Variants in ZNF331 observed in about 807,000 individuals in gnomAD.
ZNF331 encodes the protein C2H2-like zinc finger protein rearranged in thyroid adenomas.
In ZNF331, 2 loss-of-function variants were observed where a neutral mutation model predicts 7.0. That is an observed-to-expected ratio of 0.29 (90% CI 0.12 to 0.90). ZNF331 has a LOEUF of 0.90. Among genes scored for constraint, ZNF331 ranks in the 40% least tolerant of loss-of-function variants. ZNF331 has a pLI of 0.58. For synonymous variants in ZNF331, 196 were observed against 205.4 expected (o/e 0.95, Z 0.39); for missense variants, 432 against 587.7 (o/e 0.74, Z 2.74).
intron 3 of ZNF331, among the ~76,000 whole-genome samples, chr19:53,564,427 G>A (rs1199144708): frequency 2.0e-5 from 3 of 151,948 alleles, no homozygotes; most frequent in African/African-American, 7.2e-5. Flanking sequence ...TTACAGGCAT[G>A]TGCCACCATG....
intron 2 of ZNF331, among the ~76,000 whole-genome samples, chr19:53,522,943 G>T (rs2087141864): frequency 6.6e-6 from 1 of 152,122 alleles, no homozygotes; most frequent in Non-Finnish European, 1.5e-5. Flanking sequence ...GGTTTGGTAA[G>T]GAAGGGATTT....
intron 3 of ZNF331, among the ~76,000 whole-genome samples, chr19:53,556,132 A>G (rs946085909): frequency 6.7e-6 from 1 of 150,316 alleles, no homozygotes; most frequent in Non-Finnish European, 1.5e-5. Context: ...AGTCCCAGCT[A>G]CTCGGGAGGC....
chr19:53,510,621 AT>A, the ZNF331 span, among the ~76,000 whole-genome samples: 2 of 151,872 alleles, frequency 1.3e-5, no homozygotes, highest in African/African-American at 2.4e-5. Context: ...AGCTACCCTC[AT>A]TTCGTTCTTT....
rs562464581 is a variant in ZNF331, at chr19:53,548,861, T to C, written c.-137-6984T>C. 2.6e-5 allele frequency among the ~76,000 whole-genome samples: 4 copies of C among 152,050 alleles called. No individual in the cohort carries two copies. The South Asian group carries it at 8.3e-4, about 32-fold the overall frequency. ...TCTTTTTTTCTTTTTCTTCTTTTTT[T>C]TTTTGAGACCAAGTCTCACTCTGTC... On this transcript the variant is annotated intron_variant, in intron 2 of 5. Coordinates refer to ENST00000449416, the MANE Select transcript of ZNF331 (RefSeq NM_001079906.2).
chr19:53,513,857 T>C, the ZNF331 span, among the ~76,000 whole-genome samples: 3 of 152,018 alleles, frequency 2.0e-5, no homozygotes, highest in Non-Finnish European at 4.4e-5. Flanking sequence ...TGATCCACTA[T>C]GCTTGGCCTT....
chr19:53,559,835 TA>T (rs2147524678), intron 3 of ZNF331, among the ~76,000 whole-genome samples: 1 of 147,522 alleles, frequency 6.8e-6, no homozygotes, highest in East Asian at 2.0e-4. Context: ...CGTATATACA[TA>T]TATACATATA....
chr19:53,542,236 T>C (rs2088227142), intron 2 of ZNF331, among the ~76,000 whole-genome samples: 1 of 152,204 alleles, frequency 6.6e-6, no homozygotes. Flanking sequence ...CTTTGCCTTG[T>C]TTTGAAATAT....
At chr19:53,528,943 C>T (rs2087417708) in intron 2 of ZNF331, among the ~76,000 whole-genome samples, 1 of 141,010 alleles carries the variant, frequency 7.1e-6, no homozygotes, top group Admixed American at 6.8e-5. Flanking sequence ...TGTCCCCACG[C>T]CTGGATGATT....
In ZNF331 at chr19:53,569,375, C is replaced by T; in HGVS notation, c.-2C>T. 2 of 1,614,026 alleles carry T rather than the reference C, an allele frequency of 1.2e-6. No individual in the cohort carries two copies. The highest frequency in any genetic ancestry group is 1.7e-6 in the Non-Finnish European group (2 of 1,179,960). ...ACTGATCAGTTCTTCAGTTCTAAAA[C>T]AATGGCCCAGGTAAGTGTATATTTC... On this transcript the variant is annotated 5_prime_UTR_variant, in exon 4 of 6. Coordinates refer to ENST00000449416, the MANE Select transcript of ZNF331 (RefSeq NM_001079906.2).
chr19:53,554,364 G>A (rs1310553946), intron 2 of ZNF331, among the ~76,000 whole-genome samples: 1 of 152,182 alleles, frequency 6.6e-6, no homozygotes, highest in East Asian at 1.9e-4. Flanking sequence ...CTGTGTGCGC[G>A]TACACGTGCA....
At chr19:53,559,513 TATATACACAC>T (rs1293007777) in intron 3 of ZNF331, among the ~76,000 whole-genome samples, 1 of 147,918 alleles carries the variant, frequency 6.8e-6, no homozygotes, top group East Asian at 2.1e-4. Context: ...CACACCTACA[TATATACACAC>T]ATATACACAC....
At chr19:53,515,502 GTTGT>G (rs1568448894), upstream of ZNF331, among the ~76,000 whole-genome samples, 1 of 151,914 alleles carries the variant, frequency 6.6e-6, no homozygotes, top group Non-Finnish European at 1.5e-5. Flanking sequence ...TGTTTGGTTG[GTTGT>G]TTGTTTTTGA....
chr19:53,571,822 A>T lies in ZNF331; in HGVS notation c.136+92A>T. Reference sequence around the variant, plus strand: ...GGACCGCCTTTCAAGAAACTAGTTGAATTTCTTCTTCCTGTCCCCAAGGAA... The same window carrying T: ...GGACCGCCTTTCAAGAAACTAGTTGTATTTCTTCTTCCTGTCCCCAAGGAA... On this transcript the variant is annotated intron_variant, in intron 5 of 5. Coordinates refer to ENST00000449416, the MANE Select transcript of ZNF331 (RefSeq NM_001079906.2). The surrounding 1 kb of genome is among the most constrained non-coding windows in gnomAD (Gnocchi z 4.7). 1 of 1,473,222 alleles carries T rather than the reference A, an allele frequency of 6.8e-7. No homozygotes were observed. Among genetic ancestry groups the T allele is most frequent in the Non-Finnish European group, 9.1e-7 (1 of 1,098,672 alleles). The allele number at this position is 1,473,222 out of a possible 1,614,324, so 91.3% of individuals were successfully genotyped here.
chr19:53,507,121 A>G, the ZNF331 span, among the ~76,000 whole-genome samples: 730 of 152,266 alleles, frequency 4.8e-3, 7 homozygotes, highest in African/African-American at 0.016. Flanking sequence ...ACATTGCTCA[A>G]TGATTTCAGT....
At chr19:53,540,334 C>A (rs2088057643) in intron 2 of ZNF331, among the ~76,000 whole-genome samples, 1 of 152,178 alleles carries the variant, frequency 6.6e-6, no homozygotes, top group African/African-American at 2.4e-5. Flanking sequence ...GAGACTGTCA[C>A]CATCTTGCTG....
chr19:53,548,959 C>T (rs977802045), intron 2 of ZNF331, among the ~76,000 whole-genome samples: 1 of 151,904 alleles, frequency 6.6e-6, no homozygotes, highest in Non-Finnish European at 1.5e-5. Flanking sequence ...GTGATTTCTC[C>T]TCCCTCAGCC....
intron 2 of ZNF331, among the ~76,000 whole-genome samples, chr19:53,540,338 C>G (rs2088057905): frequency 1.3e-5 from 2 of 152,184 alleles, no homozygotes; most frequent in African/African-American, 4.8e-5. Context: ...CTGTCACCAT[C>G]TTGCTGTGTC....
At chr19:53,557,993 G>A (rs554294760) in intron 3 of ZNF331, among the ~76,000 whole-genome samples, 1 of 152,228 alleles carries the variant, frequency 6.6e-6, no homozygotes, top group East Asian at 1.9e-4. Flanking sequence ...GTGACTAAAT[G>A]TGTGGGGAGA....
chr19:53,561,399 C>G (rs1001107850), intron 3 of ZNF331, among the ~76,000 whole-genome samples: 1 of 151,148 alleles, frequency 6.6e-6, no homozygotes. Context: ...CTAAATTACC[C>G]GTAATTGTGC....
Sources: gnomAD v4.1 joint callset for allele counts (sites outside exome capture counted in the v4.1 genomes callset) on GRCh38, gnomAD v4.1.1 for gene constraint, Gnocchi (gnomAD v3.1) non-coding constraint, MANE v1.5 for transcripts, NCBI Gene and HGNC (gene_info 2026-07-23, HGNC 2026-07-21) for gene names.